The following USP6 variants were observed in gnomAD, a reference collection of about 807,000 sequenced individuals.
USP6 encodes ubiquitin carboxyl-terminal hydrolase 6.
In USP6, 128 loss-of-function variants were observed where a neutral mutation model predicts 175.7. The ratio of observed to expected loss-of-function variants is 0.73; its 90% confidence interval spans 0.63 to 0.84. The LOEUF (loss-of-function observed/expected upper bound fraction) is 0.84. Ranked by LOEUF, USP6 falls within the 40% of genes least tolerant of loss-of-function variation. The pLI is 0.00. For missense variants in USP6, 1,498 were observed against 1,760.3 expected, an observed-to-expected ratio of 0.85 and a Z score of 2.67; for synonymous variants, 562 against 630.6, an observed-to-expected ratio of 0.89 and a Z score of 1.63.
At chr17:5,133,655 G>A (rs1316810708) in intron 14 of USP6, 105 bp downstream of exon 14, 1 of 1,169,794 alleles carries the variant, frequency 8.5e-7, no homozygotes. Context: ...GGTGGGAGGG[G>A]ATGGTTAGAT....
Position 5,173,000 on chromosome 17 carries a change from A to C in USP6, c.*22A>C. 6.2e-7 allele frequency: 1 copy of C among 1,610,292 alleles called. No individual in the cohort carries two copies. The highest frequency in any genetic ancestry group is 8.5e-7 in the Non-Finnish European group (1 of 1,176,906). ...GTAAAGCTACCACTCTGGCTGCTAG[A>C]CAGCTTGGTGGCGAGGGAGATGACT... On this transcript the variant is annotated 3_prime_UTR_variant, in exon 38 of 38. Transcript: ENST00000574788.
At chr17:5,154,684 TC>T (rs1202818892) in intron 30 of USP6, among the ~76,000 whole-genome samples, 1 of 150,748 alleles carries the variant, frequency 6.6e-6, no homozygotes, top group Non-Finnish European at 1.5e-5. Context: ...CGACAGTTTA[TC>T]CCTAGAAAAC....
Position 5,155,611 on chromosome 17 carries a change from G to A in USP6, c.2828+5G>A. ...TAGTATTCATGCCCAGGATCGGTGA[G>A]TTCAGGGGATCCATCTAAACCTGTG... is the stretch of plus-strand genomic sequence containing the variant. On this transcript the variant is annotated splice_donor_5th_base_variant and intron_variant, in intron 31 of 37. Transcript: ENST00000574788. 2 of 1,612,666 alleles carry A rather than the reference G, an allele frequency of 1.2e-6. No individual in the cohort carries two copies. The highest frequency in any genetic ancestry group is 1.7e-6 in the Non-Finnish European group (2 of 1,179,458).
At chr17:5,123,554 ACACT>A (rs926486854) in intron 4 of USP6, among the ~76,000 whole-genome samples, 7 of 152,084 alleles carry the variant, frequency 4.6e-5, no homozygotes, top group African/African-American at 1.7e-4. Context: ...GCGTGGGGCC[ACACT>A]CACTCGCACT....
At chr17:5,165,700 G>A (rs1419072870) in intron 33 of USP6, among the ~76,000 whole-genome samples, 1 of 152,106 alleles carries the variant, frequency 6.6e-6, no homozygotes, top group African/African-American at 2.4e-5. Context: ...TGTGTTTTGT[G>A]TTAAAGATGA....
At chr17:5,172,463 A>G (rs201444810) in intron 37 of USP6, among the ~76,000 whole-genome samples, 16 of 152,006 alleles carry the variant, frequency 1.1e-4, no homozygotes, top group East Asian at 5.8e-4. Context: ...CCCGGGAGGC[A>G]GAGGTTGCAG....
chr17:5,139,753 C>T (rs1401444155), intron 22 of USP6, 79 bp downstream of exon 22: 68 of 1,596,532 alleles, frequency 4.3e-5, no homozygotes, highest in African/African-American at 1.6e-4. Flanking sequence ...GCACTGATTC[C>T]GACCGGGATA....
chr17:5,117,716 T>G (rs1003222968), intron 1 of USP6, among the ~76,000 whole-genome samples: 1 of 152,016 alleles, frequency 6.6e-6, no homozygotes, highest in African/African-American at 2.4e-5. Context: ...TAGAGAAGCG[T>G]TGGAATCAGG....
chr17:5,155,591 T>C lies in USP6; in HGVS notation c.2813T>C (p.Ile938Thr). The stretch of plus-strand genomic sequence containing the variant: ...CCACTCCCACCTCAGGAAGCTAGTA[T>C]TCATGCCCAGGATCGGTGAGTTCAG... ...ARPLPPQEAS[I>T]HAQDRDNCMG... The change falls in exon 31 of 38, where the codon ATT becomes ACT. Residue 938 changes from isoleucine (I) to threonine (T), a missense_variant. This residue lies in a region of USP6 where 1,217 missense variants were observed against 1,500.8 expected (regional missense o/e 0.81). Coordinates refer to ENST00000574788, the MANE Select transcript of USP6 (RefSeq NM_001304284.2). The C allele has an allele frequency of 6.2e-7, 1 of 1,614,060 alleles. No individual in the cohort carries two copies. The highest frequency in any genetic ancestry group is 8.5e-7 in the Non-Finnish European group (1 of 1,179,976).
At chr17:5,167,080 CTG>C (rs1205566321) in intron 33 of USP6, among the ~76,000 whole-genome samples, 1 of 152,232 alleles carries the variant, frequency 6.6e-6, no homozygotes, top group Non-Finnish European at 1.5e-5. Context: ...TCTGATAACT[CTG>C]TGTTACATGG....
chr17:5,140,528 G>A (rs2073414452), intron 22 of USP6, among the ~76,000 whole-genome samples: 1 of 152,142 alleles, frequency 6.6e-6, no homozygotes, highest in Admixed American at 6.5e-5. Flanking sequence ...AGCCATGATT[G>A]TACCACTGCA....
chr17:5,150,287 C>T (rs902970213), intron 30 of USP6, among the ~76,000 whole-genome samples: 7 of 99,564 alleles, frequency 7.0e-5, no homozygotes, highest in African/African-American at 1.3e-4. Flanking sequence ...AGCGAAACTC[C>T]GTCTAAAAAA....
intron 20 of USP6, 124 bp downstream of exon 20, chr17:5,137,874 G>C: frequency 1.9e-6 from 3 of 1,570,774 alleles, no homozygotes; most frequent in Non-Finnish European, 2.6e-6. Flanking sequence ...GGTCTGGCCA[G>C]GTGGGCTGGG....
chr17:5,129,708 A>G (rs1011902918), intron 8 of USP6: 2 of 153,408 alleles, frequency 1.3e-5, no homozygotes, highest in African/African-American at 4.8e-5. Context: ...TCCTGTGGGG[A>G]CAGCTCAGAA....
chr17:5,130,713 C>T (rs1567777945), intron 11 of USP6, 29 bp downstream of exon 11: 1 of 1,612,086 alleles, frequency 6.2e-7, no homozygotes, highest in Admixed American at 1.7e-5. Flanking sequence ...TCCCCTCACC[C>T]CTAAAGCAGC....
At chr17:5,118,610 G>A (rs1431089487) in intron 2 of USP6, among the ~76,000 whole-genome samples, 2 of 152,260 alleles carry the variant, frequency 1.3e-5, no homozygotes, top group Non-Finnish European at 2.9e-5. Context: ...GGCAAAGGGT[G>A]AGTGTGACAG....
chr17:5,136,652 C>T lies in USP6; in HGVS notation c.677C>T (p.Pro226Leu), dbSNP rs766474633. 6.2e-7 allele frequency: 1 copy of T among 1,611,874 alleles called. No homozygotes were observed. The highest frequency in any genetic ancestry group is 8.5e-7 in the Non-Finnish European group (1 of 1,179,686). ...ERHSLPGFHSPNGGTVQGLQD... is the reference protein window; with the variant it reads ...ERHSLPGFHSLNGGTVQGLQD... ...GGGGGCTTCTCAGGATTCCACAGCC[C>T]AAATGGTGGGACAGTCCAGGGGCTC... Residue 226 changes from proline to leucine, a missense_variant, in exon 18 of 38, where the codon CCA becomes CTA. Transcript: ENST00000574788.
In USP6 at chr17:5,139,238, G is replaced by A. The variant is rs752096569; in HGVS notation, c.1079-17G>A. ...TGGGCTCACTGGAGATGCTGACCAC[G>A]TCTGTTTTCCTTTCAGCCAAACGCG... On this transcript the variant is annotated splice_polypyrimidine_tract_variant and intron_variant, in intron 21 of 37. Coordinates refer to ENST00000574788, the MANE Select transcript of USP6 (RefSeq NM_001304284.2). The A allele has an allele frequency of 8.1e-6, 13 of 1,599,380 alleles. No individual in the cohort carries two copies. The highest frequency in any genetic ancestry group is 6.7e-5 in the East Asian group (3 of 44,886).
At chr17:5,122,542 A>AC (rs956801215) in intron 4 of USP6, among the ~76,000 whole-genome samples, 4 of 152,148 alleles carry the variant, frequency 2.6e-5, no homozygotes, top group African/African-American at 9.7e-5. Context: ...CCCGCGTGCC[A>AC]CCCGGGAGGC....
Sources: gnomAD v4.1 joint callset for allele counts (sites outside exome capture counted in the v4.1 genomes callset) on GRCh38, gnomAD v4.1.1 for gene constraint, gnomAD v4.1.1 regional missense constraint, MANE v1.5 for transcripts, NCBI Gene and HGNC (gene_info 2026-07-23, HGNC 2026-07-21) for gene names.